Variants in HTR1F observed in about 807,000 individuals in gnomAD.
HTR1F encodes 5-hydroxytryptamine (serotonin) receptor 1F, G protein-coupled.
Under a neutral mutation model 24.0 loss-of-function variants are expected in HTR1F, and 17 were observed. The ratio of observed to expected loss-of-function variants is 0.71; its 90% CI spans 0.48 to 1.06. HTR1F has a LOEUF of 1.06. Ranked by LOEUF, HTR1F falls within the 50% of genes least tolerant of loss-of-function variation. HTR1F has a pLI of 0.00. For missense variants in HTR1F, 391 were observed against 427.8 expected (o/e 0.91, Z 0.76); for synonymous variants, 186 against 156.8 (o/e 1.19, Z -1.39).
At chr3:87,923,163 A>G (rs557320731) in intron 2 of HTR1F, among the ~76,000 whole-genome samples, 4 of 152,012 alleles carry the variant, frequency 2.6e-5, no homozygotes, top group African/African-American at 7.2e-5. Flanking sequence ...TTTGGTTACT[A>G]TAGCTTTTTA....
chr3:87,925,863 C>A (rs2635692), intron 2 of HTR1F, among the ~76,000 whole-genome samples: 1 of 152,134 alleles, frequency 6.6e-6, no homozygotes, highest in African/African-American at 2.4e-5. Context: ...GCTGCCATAT[C>A]GAGTTTTTGT....
chr3:87,871,732 C>T (rs533263753), intron 2 of HTR1F, among the ~76,000 whole-genome samples: 1 of 152,166 alleles, frequency 6.6e-6, no homozygotes, highest in South Asian at 2.1e-4. Flanking sequence ...AGCAGAAATT[C>T]TATAGGCCAG....
chr3:87,980,937 C>T (rs1490339129), intron 2 of HTR1F, among the ~76,000 whole-genome samples: 1 of 152,162 alleles, frequency 6.6e-6, no homozygotes, highest in African/African-American at 2.4e-5. Context: ...GTTCCCATGA[C>T]CCTGAGAGCA....
chr3:87,886,424 C>G (rs1705944292), intron 2 of HTR1F, among the ~76,000 whole-genome samples: 1 of 152,130 alleles, frequency 6.6e-6, no homozygotes, highest in Non-Finnish European at 1.5e-5. Context: ...CCTTTGAAAA[C>G]TGGCACAAGA....
chr3:87,973,871 C>T (rs544776668), intron 2 of HTR1F, among the ~76,000 whole-genome samples: 3 of 152,038 alleles, frequency 2.0e-5, no homozygotes, highest in East Asian at 1.9e-4. Flanking sequence ...GCAGAAAGAA[C>T]GTATTGATAT....
chr3:87,849,303 G>A (rs1378096804), intron 2 of HTR1F, among the ~76,000 whole-genome samples: 6 of 151,412 alleles, frequency 4.0e-5, no homozygotes, highest in Middle Eastern at 3.2e-3. Context: ...AAATAATGCC[G>A]CATATCTACA....
In HTR1F at chr3:87,964,870, T is replaced by C. The variant is rs1232999487; in HGVS notation, c.-42-25838T>C. On this transcript the variant is annotated intron_variant, in intron 2 of 2. Coordinates refer to ENST00000319595, the MANE Select transcript of HTR1F (RefSeq NM_001322209.2). Reference sequence around the variant, plus strand: ...TCCCAGGTGTCACGGGAGGGGCTTGTAGGAGGCAATTGAATCATGAGTGTG... The same window carrying C: ...TCCCAGGTGTCACGGGAGGGGCTTGCAGGAGGCAATTGAATCATGAGTGTG... Among the ~76,000 whole-genome samples the C allele has an allele frequency of 2.6e-5, 4 of 152,270 alleles. No homozygotes were observed. The East Asian group carries it at 7.7e-4, about 29-fold the overall frequency.
intron 2 of HTR1F, among the ~76,000 whole-genome samples, chr3:87,957,047 A>G (rs1200563119): frequency 1.3e-5 from 2 of 151,342 alleles, no homozygotes; most frequent in African/African-American, 4.8e-5. Flanking sequence ...GGAGAGTACC[A>G]TTAAGACTTT....
chr3:87,848,711 T>C (rs990726586), intron 2 of HTR1F, among the ~76,000 whole-genome samples: 1 of 151,734 alleles, frequency 6.6e-6, no homozygotes, highest in Admixed American at 6.6e-5. Context: ...GAAAACCCCA[T>C]CATCTCAGCC....
intron 2 of HTR1F, chr3:87,910,110 T>A (rs1490263948): frequency 3.3e-5 from 5 of 152,018 alleles, no homozygotes; most frequent in Admixed American, 1.3e-4. Flanking sequence ...ATTCTTCATA[T>A]ACATATTGAT....
chr3:87,989,182 C>T (rs895558026), intron 2 of HTR1F, among the ~76,000 whole-genome samples: 69 of 152,156 alleles, frequency 4.5e-4, no homozygotes, highest in African/African-American at 1.7e-3. Flanking sequence ...TTATTATACT[C>T]CAAATGTTCT....
At chr3:87,899,315 T>C (rs529898046) in intron 2 of HTR1F, among the ~76,000 whole-genome samples, 5 of 152,336 alleles carry the variant, frequency 3.3e-5, no homozygotes, top group African/African-American at 1.2e-4. Flanking sequence ...TCTTTAGCCA[T>C]CATAAATACT....
intron 2 of HTR1F, among the ~76,000 whole-genome samples, chr3:87,941,596 C>A (rs1002827137): frequency 6.6e-6 from 1 of 152,142 alleles, no homozygotes; most frequent in South Asian, 2.1e-4. Context: ...TGGGATAATG[C>A]CTGGCCAAAT....
chr3:87,957,457 T>C (rs941646894), intron 2 of HTR1F, among the ~76,000 whole-genome samples: 2 of 151,232 alleles, frequency 1.3e-5, no homozygotes, highest in African/African-American at 4.8e-5. Flanking sequence ...CTCAGGATAA[T>C]TATGAAATCA....
At chr3:87,910,213 T>A (rs1304555171) in intron 2 of HTR1F, 3 of 151,976 alleles carry the variant, frequency 2.0e-5, no homozygotes, top group Non-Finnish European at 4.4e-5. Flanking sequence ...AACTTGAAAC[T>A]TTTCCTGTGT....
intron 2 of HTR1F, among the ~76,000 whole-genome samples, chr3:87,868,292 C>A (rs1285737430): frequency 6.6e-6 from 1 of 151,926 alleles, no homozygotes; most frequent in East Asian, 1.9e-4. Context: ...TTAACCAATT[C>A]ATGAAAACCT....
intron 2 of HTR1F, among the ~76,000 whole-genome samples, chr3:87,913,290 C>T (rs972361169): frequency 2.6e-5 from 4 of 152,076 alleles, no homozygotes; most frequent in African/African-American, 9.7e-5. Context: ...TGAACAGACA[C>T]CTTTCAAAAG....
At position 87,990,976 on chromosome 3, in the gene HTR1F, T is replaced by G. The variant is rs1576129907; in HGVS notation, c.227T>G (p.Val76Gly). The G allele has an allele frequency of 6.2e-7, 1 of 1,614,176 alleles. No individual in the cohort carries two copies. The highest frequency in any genetic ancestry group is 1.1e-5 in the South Asian group (1 of 91,088). ...ACAGATTTTCTTGTGGCTGTCCTGG[T>G]GATGCCCTTCAGCATTGTGTATATT... Reference protein sequence around the residue: ...AVTDFLVAVLVMPFSIVYIVR... With the variant: ...AVTDFLVAVLGMPFSIVYIVR... The change falls in exon 3 of 3, where the codon GTG (valine) becomes GGG (glycine). Residue 76 changes from valine to glycine, a missense_variant. Transcript: ENST00000319595.
chr3:87,875,133 T>C (rs1705641442), intron 2 of HTR1F, among the ~76,000 whole-genome samples: 1 of 152,088 alleles, frequency 6.6e-6, no homozygotes, highest in African/African-American at 2.4e-5. Flanking sequence ...AATAGAACAA[T>C]GGAACCACAT....
Sources: gnomAD v4.1 joint callset for allele counts (sites outside exome capture counted in the v4.1 genomes callset) on GRCh38, gnomAD v4.1.1 for gene constraint, MANE v1.5 for transcripts, NCBI Gene and HGNC (gene_info 2026-07-23, HGNC 2026-07-21) for gene names.